PACC1: variants seen among roughly 807,000 people sequenced by gnomAD.
PACC1 encodes proton-activated chloride channel.
PACC1 carries 34 observed loss-of-function variants against 39.7 expected under a neutral mutation model. That is an observed-to-expected ratio of 0.86 (90% CI 0.65 to 1.14). The LOEUF (loss-of-function observed/expected upper bound fraction) is 1.14, where lower values mean the gene tolerates loss of function less well. PACC1 is among the 50% of genes most tolerant of loss of function. The probability of loss-of-function intolerance (pLI) is 0.00; values close to 1 mark genes in which losing one functional copy is unlikely to be tolerated. For missense variants in PACC1, 379 were observed against 436.4 expected, an observed-to-expected ratio of 0.87 and a Z score of 1.17; for synonymous variants, 127 against 160.6, an observed-to-expected ratio of 0.79 and a Z score of 1.58.
intron 2 of PACC1, among the ~76,000 whole-genome samples, chr1:212,405,641 T>A (rs1419264386): frequency 6.6e-6 from 1 of 152,112 alleles, no homozygotes; most frequent in African/African-American, 2.4e-5. Flanking sequence ...AGGGGAGAAT[T>A]TGGAGCAGGA....
rs561124176 is a variant in PACC1 at position 212,408,685 on chromosome 1, G to A, written c.133+1740C>T. 7.2e-4 allele frequency among the ~76,000 whole-genome samples: 109 copies of A among 152,298 alleles called. 1 individual carries two copies. Among genetic ancestry groups the A allele is most frequent in the African/African-American group, 2.4e-3 (101 of 41,570 alleles). ...TCCCTTCCATGCAGTCTTCTGTAAG[G>A]AGCAGGCAGAACCACATTAGTTCCT... is the stretch of plus-strand genomic sequence containing the variant. On this transcript the variant is annotated intron_variant, in intron 2 of 7. Transcript: ENST00000261455.
intron 2 of PACC1, among the ~76,000 whole-genome samples, chr1:212,402,662 T>C (rs1243611425): frequency 6.6e-6 from 1 of 152,178 alleles, no homozygotes; most frequent in Non-Finnish European, 1.5e-5. Flanking sequence ...GGTCTTCTTT[T>C]GAGGGGGACG....
chr1:212,410,895 G>C (rs1662103478), intron 1 of PACC1, among the ~76,000 whole-genome samples: 1 of 152,190 alleles, frequency 6.6e-6, no homozygotes, highest in African/African-American at 2.4e-5. Context: ...GTGACAGCCA[G>C]CAATCCTTGG....
At chr1:212,372,692 T>C (rs1418847987) in intron 7 of PACC1, among the ~76,000 whole-genome samples, 2 of 152,216 alleles carry the variant, frequency 1.3e-5, no homozygotes, top group East Asian at 3.9e-4. Flanking sequence ...TTCTATATGC[T>C]AACAGCGAGC....
At position 212,414,819 on chromosome 1, in the gene PACC1, A is replaced by C; in HGVS notation, c.-62T>G. On this transcript the variant is annotated 5_prime_UTR_variant, in exon 1 of 8. Coordinates refer to ENST00000261455, the MANE Select transcript of PACC1 (RefSeq NM_018252.3). ...CCAGCCCGCGGCGCACGGACGCAGC[A>C]CTGCGGCCGCTGCACCTGGACCTAC... The C allele has an allele frequency of 6.3e-7, 1 of 1,599,420 alleles. No homozygotes were observed. The highest frequency in any genetic ancestry group is 1.1e-5 in the South Asian group (1 of 90,688).
intron 7 of PACC1, among the ~76,000 whole-genome samples, chr1:212,370,356 C>A (rs529136990): frequency 1.3e-5 from 2 of 152,318 alleles, no homozygotes; most frequent in East Asian, 3.9e-4. Flanking sequence ...GTAGTCCCAG[C>A]TACTCGGGAG....
Position 212,385,389 on chromosome 1 carries a change from C to A in PACC1, c.380G>T (p.Ser127Ile). The change falls in exon 4 of 8, where the codon AGC becomes ATC. Residue 127 changes from serine to isoleucine, a missense_variant. By Grantham distance (142) the Ser-to-Ile change is moderately radical (BLOSUM62 -2). Coordinates refer to ENST00000261455, the MANE Select transcript of PACC1 (RefSeq NM_018252.3). ...AATGACCTCGTAATGGTGCTTACAG[C>A]TGAGCAACTGGGCCTGACCGGGGTA... is the stretch of plus-strand genomic sequence containing the variant. ...ALYPGQAQLL[S>I]CKHHYEVIPP... 1 of 1,614,084 alleles carries A rather than the reference C, an allele frequency of 6.2e-7. No individual in the cohort carries two copies. Among genetic ancestry groups the A allele is most frequent in the East Asian group, 2.2e-5 (1 of 44,876 alleles).
chr1:212,378,904 A>G (rs1020394654), intron 5 of PACC1, among the ~76,000 whole-genome samples: 13 of 151,408 alleles, frequency 8.6e-5, no homozygotes, highest in African/African-American at 2.9e-4. Flanking sequence ...TACAATGATC[A>G]CTTCCACTGA....
intron 1 of PACC1, among the ~76,000 whole-genome samples, chr1:212,413,697 T>C (rs1252038876): frequency 6.6e-6 from 1 of 152,150 alleles, no homozygotes; most frequent in Non-Finnish European, 1.5e-5. Context: ...TTCAGAGCTT[T>C]GGGAGCCTGC....
chr1:212,412,588 A>G (rs924965799), intron 1 of PACC1, among the ~76,000 whole-genome samples: 2 of 152,252 alleles, frequency 1.3e-5, no homozygotes, highest in Non-Finnish European at 1.5e-5. Flanking sequence ...AGGCCTCTGA[A>G]GAAGGCAAGG....
chr1:212,414,029 C>G, intron 1 of PACC1: 1 of 1,535,672 alleles, frequency 6.5e-7, no homozygotes, highest in Non-Finnish European at 8.7e-7. Context: ...ACTAATACAG[C>G]TGGAGAAGTG....
At chr1:212,384,118 A>G (rs182304738) in intron 4 of PACC1, among the ~76,000 whole-genome samples, 1 of 152,174 alleles carries the variant, frequency 6.6e-6, no homozygotes, top group East Asian at 1.9e-4. Context: ...TGTTTGCTCC[A>G]CCAATCTGGC....
chr1:212,385,178 G>A (rs1661051570), intron 4 of PACC1, 96 bp downstream of exon 4: 1 of 1,412,332 alleles, frequency 7.1e-7, no homozygotes, highest in Non-Finnish European at 9.9e-7. Flanking sequence ...CTGAGTGAGT[G>A]GAAGAAGGAC....
chr1:212,398,821 A>G (rs1661610037), intron 2 of PACC1, among the ~76,000 whole-genome samples: 1 of 152,032 alleles, frequency 6.6e-6, no homozygotes, highest in Non-Finnish European at 1.5e-5. Context: ...TGAGTCTTGC[A>G]CTCAAATTCT....
At chr1:212,404,703 CTT>C (rs547795519) in intron 2 of PACC1, among the ~76,000 whole-genome samples, 59 of 140,334 alleles carry the variant, frequency 4.2e-4, no homozygotes, top group South Asian at 1.1e-3. Flanking sequence ...GCCTTCCTTC[CTT>C]TTTTTTTTTT....
chr1:212,365,556 G>A lies in PACC1; in HGVS notation c.892-180C>T, dbSNP rs1014305257. Among the ~76,000 whole-genome samples the A allele has an allele frequency of 3.2e-4, 49 of 151,060 alleles. 1 individual carries two copies. Among genetic ancestry groups the A allele is most frequent in the African/African-American group, 5.4e-4 (22 of 41,018 alleles). On this transcript the variant is annotated intron_variant, in intron 7 of 7. Coordinates refer to ENST00000261455, the MANE Select transcript of PACC1 (RefSeq NM_018252.3). ...AGCAATTCTCCTGCCTCAGCCTCCCGAGTAGCTGGGATTACAGGAACCTGC... is the reference window on the plus strand; with the variant it reads ...AGCAATTCTCCTGCCTCAGCCTCCCAAGTAGCTGGGATTACAGGAACCTGC...
chr1:212,387,927 G>A (rs1411655091), intron 2 of PACC1, among the ~76,000 whole-genome samples: 1 of 151,838 alleles, frequency 6.6e-6, no homozygotes, highest in Non-Finnish European at 1.5e-5. Context: ...GGTGGCGCAT[G>A]CCTGTAATCC....
intron 2 of PACC1, among the ~76,000 whole-genome samples, chr1:212,393,156 C>T (rs1336587435): frequency 6.6e-6 from 1 of 152,194 alleles, no homozygotes; most frequent in Non-Finnish European, 1.5e-5. Flanking sequence ...CCACACCACA[C>T]CTATTCCAAA....
intron 2 of PACC1, among the ~76,000 whole-genome samples, chr1:212,406,033 T>C (rs112250519): frequency 8.4e-4 from 118 of 140,124 alleles, no homozygotes; most frequent in African/African-American, 3.1e-3. Context: ...TCTCAACTAC[T>C]CGGGAGGCTG....
Sources: allele counts gnomAD v4.1 joint callset (sites outside exome capture counted in the v4.1 genomes callset), GRCh38; gene constraint gnomAD v4.1.1; transcripts MANE v1.5; gene names NCBI Gene and HGNC (gene_info 2026-07-23, HGNC 2026-07-21).